Variants in NSUN3 observed in about 807,000 individuals in gnomAD.
NSUN3 encodes NOP2/Sun RNA methyltransferase 3.
In NSUN3, 24 loss-of-function variants were observed where a neutral mutation model predicts 36.8. The observed-to-expected ratio is 0.65, with a 90% CI of 0.47 to 0.92. NSUN3 has a LOEUF of 0.92. Among genes scored for constraint, NSUN3 ranks in the 40% least tolerant of loss-of-function variants. NSUN3 has a pLI of 0.00. For missense variants in NSUN3, 381 were observed against 392.8 expected, an observed-to-expected ratio of 0.97 and a Z score of 0.25; for synonymous variants, 146 against 145.2, an observed-to-expected ratio of 1.01 and a Z score of -0.04.
intron 2 of NSUN3, among the ~76,000 whole-genome samples, chr3:94,067,109 A>G (rs908154109): frequency 4.6e-5 from 7 of 152,176 alleles, no homozygotes; most frequent in African/African-American, 1.7e-4. Flanking sequence ...GCTTGTGACT[A>G]AAAGCTGTAT....
At chr3:94,085,636 G>A (rs1324369502) in intron 3 of NSUN3, among the ~76,000 whole-genome samples, 3 of 152,144 alleles carry the variant, frequency 2.0e-5, no homozygotes, top group African/African-American at 4.8e-5. Context: ...GTGCATGTCT[G>A]TAGTCCCAGC....
chr3:94,117,235 A>C (rs1216479238), intron 5 of NSUN3, among the ~76,000 whole-genome samples: 1 of 151,928 alleles, frequency 6.6e-6, no homozygotes, highest in Non-Finnish European at 1.5e-5. Flanking sequence ...CCTGACCACA[A>C]GTGATCTGTC....
intron 1 of NSUN3, 145 bp downstream of exon 1, chr3:94,063,283 C>T (rs2077189194): frequency 1.2e-6 from 1 of 854,224 alleles, no homozygotes; most frequent in Admixed American, 1.8e-5. Flanking sequence ...GCTTTACTGT[C>T]AAGCCCTGAA....
At chr3:94,092,725 G>A (rs1056026597) in intron 3 of NSUN3, among the ~76,000 whole-genome samples, 6 of 151,726 alleles carry the variant, frequency 4.0e-5, no homozygotes, top group Admixed American at 6.6e-5. Flanking sequence ...CCAACATGGC[G>A]AAACCCCGTC....
At chr3:94,109,382 G>A (rs766659398) in intron 5 of NSUN3, among the ~76,000 whole-genome samples, 15 of 152,082 alleles carry the variant, frequency 9.9e-5, no homozygotes, top group Non-Finnish European at 1.3e-4. Context: ...GCTATGTATC[G>A]GAGTTTGGTC....
chr3:94,098,683 C>T (rs1308407812), intron 5 of NSUN3, among the ~76,000 whole-genome samples: 1 of 152,150 alleles, frequency 6.6e-6, no homozygotes, highest in African/African-American at 2.4e-5. Flanking sequence ...TCTCAACAGT[C>T]CACACAGTGT....
intron 5 of NSUN3, among the ~76,000 whole-genome samples, chr3:94,107,307 T>C (rs2107264681): frequency 6.6e-6 from 1 of 151,928 alleles, no homozygotes. Flanking sequence ...TTTGTTGTTG[T>C]TGTTTGTTTT....
At chr3:94,073,661 G>A (rs575923370) in intron 2 of NSUN3, among the ~76,000 whole-genome samples, 9 of 152,062 alleles carry the variant, frequency 5.9e-5, no homozygotes, top group South Asian at 2.1e-4. Flanking sequence ...TTTTTTTCTC[G>A]TAAATTTGTT....
intron 2 of NSUN3, 120 bp downstream of exon 2, chr3:94,064,666 C>T (rs2077196202): frequency 5.1e-6 from 3 of 586,598 alleles, no homozygotes; most frequent in South Asian, 2.4e-5. Flanking sequence ...GTTGCCTTTT[C>T]CTACTGAAGC....
chr3:94,068,785 TAC>T (rs10582127), intron 2 of NSUN3, among the ~76,000 whole-genome samples: 89,871 of 145,726 alleles, frequency 0.62, 28,278 homozygotes, highest in African/African-American at 0.79. Context: ...GAAAAAAAAA[TAC>T]ACACACACAC....
chr3:94,115,339 A>G (rs1304802828), intron 5 of NSUN3, among the ~76,000 whole-genome samples: 1 of 152,196 alleles, frequency 6.6e-6, no homozygotes, highest in Non-Finnish European at 1.5e-5. Context: ...CTGAGAAGGA[A>G]AAACTTGCTA....
chr3:94,110,054 G>C (rs1195204660), intron 5 of NSUN3, among the ~76,000 whole-genome samples: 1 of 152,160 alleles, frequency 6.6e-6, no homozygotes, highest in Non-Finnish European at 1.5e-5. Flanking sequence ...CATAGTGTGT[G>C]TCTCAAAAGT....
chr3:94,125,631 C>T (rs1421134217), intron 5 of NSUN3, among the ~76,000 whole-genome samples: 1 of 152,218 alleles, frequency 6.6e-6, no homozygotes, highest in African/African-American at 2.4e-5. Flanking sequence ...AAGACAAACT[C>T]ATTATTCTGT....
At chr3:94,103,540 G>A (rs535262133) in intron 5 of NSUN3, among the ~76,000 whole-genome samples, 20 of 151,458 alleles carry the variant, frequency 1.3e-4, no homozygotes, top group African/African-American at 4.8e-4. Flanking sequence ...AGTATGTAGA[G>A]TAATTTATAT....
chr3:94,089,312 T>C (rs2077305437), intron 3 of NSUN3, among the ~76,000 whole-genome samples: 1 of 152,138 alleles, frequency 6.6e-6, no homozygotes, highest in Non-Finnish European at 1.5e-5. Context: ...CTAAAAATGA[T>C]AATTGGCAGC....
chr3:94,076,525 A>C, intron 2 of NSUN3: 1 of 792,522 alleles, frequency 1.3e-6, no homozygotes, highest in East Asian at 2.4e-5. Context: ...TGGTCTTTGC[A>C]TCCACCACAT....
At chr3:94,118,642 A>G (rs1327769899) in intron 5 of NSUN3, among the ~76,000 whole-genome samples, 3 of 152,164 alleles carry the variant, frequency 2.0e-5, no homozygotes, top group African/African-American at 4.8e-5. Flanking sequence ...CTATACTATT[A>G]TGCAGAAATG....
chr3:94,081,233 C>T (rs945463740), intron 2 of NSUN3, among the ~76,000 whole-genome samples: 2 of 152,168 alleles, frequency 1.3e-5, no homozygotes, highest in Admixed American at 6.5e-5. Context: ...CCTCTGTGGG[C>T]TGCACCTACT....
intron 2 of NSUN3, among the ~76,000 whole-genome samples, chr3:94,074,253 CTT>C (rs1254949847): frequency 3.3e-5 from 5 of 152,118 alleles, no homozygotes; most frequent in African/African-American, 1.2e-4. Flanking sequence ...CAGCTTTGTT[CTT>C]TTTCCTTAGG....
Sources: gnomAD v4.1 joint callset for allele counts (sites outside exome capture counted in the v4.1 genomes callset) on GRCh38, gnomAD v4.1.1 for gene constraint, MANE v1.5 for transcripts, NCBI Gene and HGNC (gene_info 2026-07-23, HGNC 2026-07-21) for gene names.